The following PPP2R3A variants were observed in gnomAD, a reference collection of about 807,000 sequenced individuals.
PPP2R3A encodes serine/threonine-protein phosphatase 2A regulatory subunit B'' subunit alpha.
PPP2R3A carries 80 observed loss-of-function variants against 106.9 expected under a neutral mutation model. The observed-to-expected ratio is 0.75, with a 90% CI of 0.62 to 0.90. The LOEUF is 0.90. Ranked by LOEUF, PPP2R3A falls within the 40% of genes least tolerant of loss-of-function variation. The pLI, the probability that PPP2R3A is intolerant of heterozygous loss-of-function variation, is 0.00. For synonymous variants in PPP2R3A, 483 were observed against 468.3 expected (o/e 1.03, Z -0.41); for missense variants, 1,386 against 1,350.4 (o/e 1.03, Z -0.41).
chr3:136,055,656 G>A (rs1935836507), intron 5 of PPP2R3A: 2 of 1,227,758 alleles, frequency 1.6e-6, no homozygotes, highest in Non-Finnish European at 2.4e-6. Flanking sequence ...TTGATACAGA[G>A]GTTGTTCATA....
chr3:135,967,386 G>A (rs1937119080), intron 1 of PPP2R3A, among the ~76,000 whole-genome samples: 1 of 152,212 alleles, frequency 6.6e-6, no homozygotes, highest in African/African-American at 2.4e-5. Flanking sequence ...GTACTCATAA[G>A]TATTTGCATA....
chr3:135,996,984 C>G (rs141503248), intron 1 of PPP2R3A, among the ~76,000 whole-genome samples: 2 of 152,262 alleles, frequency 1.3e-5, no homozygotes, highest in East Asian at 1.9e-4. Context: ...GGAAAGGTAT[C>G]CACCTTCCTC....
rs1180763224 is a variant in PPP2R3A at position 136,002,306 on chromosome 3, A to G, written c.808A>G (p.Thr270Ala). Residue 270 changes from threonine to alanine, a missense_variant, in exon 2 of 14, where the codon ACA (threonine) becomes GCA (alanine). By Grantham distance (58) the Thr-to-Ala change is moderately conservative. Coordinates refer to ENST00000264977, the MANE Select transcript of PPP2R3A (RefSeq NM_002718.5). Reference protein sequence around the residue: ...SSISEGSGNDTISSSETVYMN... With the variant: ...SSISEGSGNDAISSSETVYMN... ...CATCAGTGAAGGAAGTGGTAATGAT[A>G]CAATTTCTAGCTCTGAAACTGTCTA... is the stretch of plus-strand genomic sequence containing the variant. 1 of 1,613,754 alleles carries G rather than the reference A, an allele frequency of 6.2e-7. No homozygotes were observed.
intron 5 of PPP2R3A, among the ~76,000 whole-genome samples, chr3:136,051,491 G>A (rs541217141): frequency 2.4e-4 from 36 of 152,138 alleles, no homozygotes; most frequent in African/African-American, 7.5e-4. Flanking sequence ...CACCACACCC[G>A]GGTAATTTTT....
intron 1 of PPP2R3A, among the ~76,000 whole-genome samples, chr3:135,976,766 C>G (rs1020609658): frequency 1.3e-5 from 2 of 152,058 alleles, no homozygotes; most frequent in African/African-American, 4.8e-5. Flanking sequence ...TACTTCTTTT[C>G]TGCCCCAAAG....
At chr3:136,029,521 T>C (rs1208192596) in intron 3 of PPP2R3A, among the ~76,000 whole-genome samples, 1 of 152,164 alleles carries the variant, frequency 6.6e-6, no homozygotes, top group Non-Finnish European at 1.5e-5. Context: ...CAAGGCAGGA[T>C]AGAGGTCTCT....
At chr3:135,976,586 A>G (rs1240323403) in intron 1 of PPP2R3A, among the ~76,000 whole-genome samples, 2 of 152,190 alleles carry the variant, frequency 1.3e-5, no homozygotes, top group African/African-American at 4.8e-5. Flanking sequence ...AATAAACTCT[A>G]GGTAAATAAA....
intron 1 of PPP2R3A, among the ~76,000 whole-genome samples, chr3:135,997,225 G>T (rs913464146): frequency 6.6e-6 from 1 of 152,192 alleles, no homozygotes; most frequent in Non-Finnish European, 1.5e-5. Flanking sequence ...CCAAGTCCCT[G>T]AAATTGCACG....
chr3:135,966,639 A>C (rs1289332612), intron 1 of PPP2R3A, among the ~76,000 whole-genome samples: 1 of 152,192 alleles, frequency 6.6e-6, no homozygotes, highest in African/African-American at 2.4e-5. Context: ...GTAAAGCTTA[A>C]GGAAATTTTA....
At chr3:136,116,964 C>G (rs1002920211) in intron 13 of PPP2R3A, among the ~76,000 whole-genome samples, 1 of 152,186 alleles carries the variant, frequency 6.6e-6, no homozygotes, top group Non-Finnish European at 1.5e-5. Flanking sequence ...CGCACTTATT[C>G]TACAATTGAC....
At chr3:136,073,008 C>T (rs1475659085) in intron 6 of PPP2R3A, among the ~76,000 whole-genome samples, 2 of 152,178 alleles carry the variant, frequency 1.3e-5, no homozygotes, top group Admixed American at 6.5e-5. Flanking sequence ...CACTCTGTCA[C>T]TCAGGCTGCA....
In PPP2R3A at chr3:136,001,508, A is replaced by G. The variant is rs774611347; in HGVS notation, c.10A>G (p.Thr4Ala). The change falls in exon 2 of 14, where the codon ACT becomes GCT. Residue 4 changes from threonine to alanine, a missense_variant. Physicochemically the swap from Thr to Ala is moderately conservative, Grantham distance 58 (BLOSUM62 0). Transcript: ENST00000264977. ...AAGTGGATTTGATATTATGGCAGCA[A>G]CTTACAGACTTGTGGTTAGTACTGT... is the stretch of plus-strand genomic sequence containing the variant. The part of the protein sequence containing the change: MAA[T>A]YRLVVSTVNH... 10 of 1,610,760 alleles carry G rather than the reference A, an allele frequency of 6.2e-6. No homozygotes were observed. The East Asian group carries it at 1.8e-4, about 29-fold the overall frequency.
chr3:136,086,888 A>G (rs531284819), intron 8 of PPP2R3A, among the ~76,000 whole-genome samples: 1 of 152,128 alleles, frequency 6.6e-6, no homozygotes, highest in Non-Finnish European at 1.5e-5. Context: ...TTTAGTGTGC[A>G]TGCCATTGCC....
intron 2 of PPP2R3A, 50 bp from the exon 3 acceptor site, chr3:136,026,782 A>G (rs754895783): frequency 1.5e-5 from 22 of 1,502,436 alleles, no homozygotes; most frequent in Non-Finnish European, 2.0e-5. Context: ...TTTTCAGTAA[A>G]TGAATACTGT....
At chr3:136,115,225 C>G (rs1937698495) in intron 13 of PPP2R3A, among the ~76,000 whole-genome samples, 1 of 151,942 alleles carries the variant, frequency 6.6e-6, no homozygotes, top group Admixed American at 6.6e-5. Flanking sequence ...CATGTCTACT[C>G]AGAGACCCCA....
At chr3:136,059,926 T>A (rs769503777) in intron 5 of PPP2R3A, among the ~76,000 whole-genome samples, 1 of 152,094 alleles carries the variant, frequency 6.6e-6, no homozygotes, top group Non-Finnish European at 1.5e-5. Context: ...GGGAGCTAAA[T>A]GATGAGAACA....
chr3:136,012,850 G>T (rs1014192544), intron 2 of PPP2R3A, among the ~76,000 whole-genome samples: 1 of 152,058 alleles, frequency 6.6e-6, no homozygotes, highest in African/African-American at 2.4e-5. Flanking sequence ...TGATTACATG[G>T]ATAAGTTCTT....
intron 13 of PPP2R3A, among the ~76,000 whole-genome samples, chr3:136,126,098 C>T (rs1289391557): frequency 2.0e-5 from 3 of 152,206 alleles, no homozygotes; most frequent in Non-Finnish European, 2.9e-5. Context: ...GTGATTTCCG[C>T]ATTTCCAACT....
intron 1 of PPP2R3A, among the ~76,000 whole-genome samples, chr3:135,968,752 T>C (rs981004509): frequency 1.3e-5 from 2 of 152,228 alleles, no homozygotes; most frequent in African/African-American, 4.8e-5. Context: ...TTGTATATCA[T>C]TGTAGACATT....
Sources: allele counts gnomAD v4.1 joint callset (sites outside exome capture counted in the v4.1 genomes callset), GRCh38; gene constraint gnomAD v4.1.1; transcripts MANE v1.5; gene names NCBI Gene and HGNC (gene_info 2026-07-23, HGNC 2026-07-21).